The following TESK2 variants were observed in gnomAD, a reference collection of about 807,000 sequenced individuals.
The protein encoded by TESK2 is testis associated actin remodelling kinase 2.
TESK2 carries 39 observed loss-of-function variants against 57.1 expected under a neutral mutation model. The observed-to-expected ratio is 0.68, with a 90% confidence interval of 0.53 to 0.89. The LOEUF (loss-of-function observed/expected upper bound fraction) is 0.89. Among genes scored for constraint, TESK2 ranks in the 40% least tolerant of loss-of-function variants. The pLI is 0.00. For synonymous variants in TESK2, 249 were observed against 267.9 expected (o/e 0.93, Z 0.69); for missense variants, 646 against 732.1 (o/e 0.88, Z 1.36).
intron 2 of TESK2, among the ~76,000 whole-genome samples, chr1:45,427,151 G>A (rs1650728717): frequency 6.7e-6 from 1 of 149,340 alleles, no homozygotes; most frequent in Non-Finnish European, 1.5e-5. Flanking sequence ...GCTGAGGCAT[G>A]AGAATCACTT....
At chr1:45,485,865 A>G (rs1653457202) in intron 1 of TESK2, among the ~76,000 whole-genome samples, 1 of 151,440 alleles carries the variant, frequency 6.6e-6, no homozygotes, top group Non-Finnish European at 1.5e-5. Flanking sequence ...AACCAGTTGA[A>G]TGTATTATCT....
At chr1:45,363,151 C>T (rs1224883317) in intron 4 of TESK2, among the ~76,000 whole-genome samples, 2 of 152,130 alleles carry the variant, frequency 1.3e-5, no homozygotes, top group African/African-American at 4.8e-5. Flanking sequence ...CAAAGTCAGT[C>T]CAGTTTGGTG....
chr1:45,463,427 A>T lies in TESK2; in HGVS notation c.-86-5556T>A, dbSNP rs566048729. ...ATTTTTGATTAGGTTTTTCTTCTGC[A>T]TATGGATATCCTGTTTTCCCAGCAC... On this transcript the variant is annotated intron_variant, in intron 1 of 10. Coordinates refer to ENST00000372086, the MANE Select transcript of TESK2 (RefSeq NM_007170.3). Among the ~76,000 whole-genome samples the T allele has an allele frequency of 2.6e-5, 4 of 152,314 alleles. No homozygotes were observed. The South Asian group carries it at 6.2e-4, about 24-fold the overall frequency.
At chr1:45,407,787 A>G (rs1450430836) in intron 3 of TESK2, among the ~76,000 whole-genome samples, 1 of 152,130 alleles carries the variant, frequency 6.6e-6, no homozygotes, top group Non-Finnish European at 1.5e-5. Context: ...TCTTTCCTTT[A>G]TAAATTACCC....
intron 3 of TESK2, among the ~76,000 whole-genome samples, chr1:45,388,533 C>A (rs1170615386): frequency 6.6e-6 from 1 of 152,042 alleles, no homozygotes; most frequent in Admixed American, 6.6e-5. Flanking sequence ...TCTATGGCTT[C>A]TTTGATGTTA....
intron 3 of TESK2, among the ~76,000 whole-genome samples, chr1:45,396,901 C>A (rs1224025112): frequency 1.3e-5 from 2 of 148,888 alleles, no homozygotes; most frequent in Non-Finnish European, 3.0e-5. Context: ...TCACTGCAAC[C>A]TCCACCTCCC....
At chr1:45,353,060 G>A (rs780800334) in intron 5 of TESK2, among the ~76,000 whole-genome samples, 3 of 152,014 alleles carry the variant, frequency 2.0e-5, no homozygotes, top group Admixed American at 6.5e-5. Context: ...CATCATGCCC[G>A]GCTAATTTTT....
chr1:45,447,305 C>T (rs940944480), intron 2 of TESK2, among the ~76,000 whole-genome samples: 1 of 151,800 alleles, frequency 6.6e-6, no homozygotes, highest in African/African-American at 2.4e-5. Context: ...CCAAGCTGTA[C>T]AAAAATATTT....
At chr1:45,484,663 CG>C (rs1008675716) in intron 1 of TESK2, among the ~76,000 whole-genome samples, 1 of 151,884 alleles carries the variant, frequency 6.6e-6, no homozygotes, top group Non-Finnish European at 1.5e-5. Context: ...ACCCGGAAGG[CG>C]GAAGTTGCAG....
intron 7 of TESK2, 68 bp downstream of exon 7, chr1:45,347,541 A>G: frequency 1.4e-6 from 2 of 1,446,806 alleles, no homozygotes; most frequent in East Asian, 4.5e-5. Flanking sequence ...TGAGCAACAT[A>G]GTGAGACCAT....
chr1:45,369,093 T>G (rs917708854), intron 4 of TESK2, among the ~76,000 whole-genome samples: 1 of 152,078 alleles, frequency 6.6e-6, no homozygotes, highest in Admixed American at 6.6e-5. Flanking sequence ...ATTCAACTAG[T>G]AAATAGTACA....
At chr1:45,479,301 A>C (rs1315014238) in intron 1 of TESK2, among the ~76,000 whole-genome samples, 1 of 152,202 alleles carries the variant, frequency 6.6e-6, no homozygotes, top group East Asian at 1.9e-4. Context: ...AGTATAAAAA[A>C]TACTTTATGA....
intron 3 of TESK2, among the ~76,000 whole-genome samples, chr1:45,409,364 A>G (rs528740067): frequency 6.6e-6 from 1 of 152,332 alleles, no homozygotes; most frequent in Non-Finnish European, 1.5e-5. Context: ...AAGCAGGGAA[A>G]AAAGCTTAAT....
At chr1:45,459,834 C>A (rs191176928) in intron 1 of TESK2, among the ~76,000 whole-genome samples, 1 of 152,056 alleles carries the variant, frequency 6.6e-6, no homozygotes, top group Admixed American at 6.6e-5. Flanking sequence ...CAGGGCAAGA[C>A]CTTGTCTCAA....
At chr1:45,384,609 T>TATTTTA (rs1557551554) in intron 4 of TESK2, among the ~76,000 whole-genome samples, 3 of 130,422 alleles carry the variant, frequency 2.3e-5, no homozygotes, top group East Asian at 4.2e-4. Context: ...TTTTTTTTTT[T>TATTTTA]TTTTTTTTTT....
At chr1:45,481,643 A>T (rs1653229156) in intron 1 of TESK2, among the ~76,000 whole-genome samples, 1 of 152,136 alleles carries the variant, frequency 6.6e-6, no homozygotes, top group South Asian at 2.1e-4. Context: ...TTTTTCAACA[A>T]ATATATTTTT....
intron 3 of TESK2, among the ~76,000 whole-genome samples, chr1:45,414,379 G>A (rs553405758): frequency 3.3e-5 from 5 of 152,186 alleles, no homozygotes; most frequent in Admixed American, 6.6e-5. Flanking sequence ...TATACTTGCA[G>A]TGTGACAGTT....
intron 4 of TESK2, among the ~76,000 whole-genome samples, chr1:45,359,867 A>C (rs988398384): frequency 1.3e-5 from 2 of 152,192 alleles, no homozygotes; most frequent in African/African-American, 4.8e-5. Flanking sequence ...CTGTCTCAAA[A>C]AAATAATAAT....
chr1:45,470,668 C>T lies in TESK2; in HGVS notation c.-86-12797G>A, dbSNP rs192917244. On this transcript the variant is annotated intron_variant, in intron 1 of 10. Coordinates refer to ENST00000372086, the MANE Select transcript of TESK2 (RefSeq NM_007170.3). Reference sequence around the variant, plus strand: ...AAACTTAGGGTGAAAGTTATAAAGGCAGTTAGAGATGAACTAGTTTAATCT... The same window carrying T: ...AAACTTAGGGTGAAAGTTATAAAGGTAGTTAGAGATGAACTAGTTTAATCT... Among the ~76,000 whole-genome samples, 721 of 152,254 alleles carry T rather than the reference C, an allele frequency of 4.7e-3. 5 individuals are homozygous for T. Among genetic ancestry groups the T allele is most frequent in the African/African-American group, 0.016 (671 of 41,546 alleles).
Sources: gnomAD v4.1 joint callset for allele counts (sites outside exome capture counted in the v4.1 genomes callset) on GRCh38, gnomAD v4.1.1 for gene constraint, MANE v1.5 for transcripts, NCBI Gene and HGNC (gene_info 2026-07-23, HGNC 2026-07-21) for gene names.